The following CADPS2 variants were observed in gnomAD, a reference collection of about 807,000 sequenced individuals.
CADPS2 encodes the protein calcium dependent secretion activator 2.
Under a neutral mutation model 172.5 loss-of-function variants are expected in CADPS2, and 93 were observed. That is an observed-to-expected ratio of 0.54 (90% confidence interval 0.46 to 0.64). The LOEUF is 0.64. CADPS2 is among the 30% of genes least tolerant of loss of function. The pLI, the probability that CADPS2 is intolerant of heterozygous loss-of-function variation, is 0.00. For synonymous variants in CADPS2, 546 were observed against 555.2 expected (o/e 0.98, Z 0.23); for missense variants, 1,420 against 1,565.9 (o/e 0.91, Z 1.57).
chr7:122,747,533 C>T (rs1562926382), intron 1 of CADPS2, among the ~76,000 whole-genome samples: 1 of 152,046 alleles, frequency 6.6e-6, no homozygotes, highest in East Asian at 1.9e-4. Context: ...ATTTATTGAC[C>T]ATTTACTACA....
intron 1 of CADPS2, among the ~76,000 whole-genome samples, chr7:122,773,889 G>T (rs996920548): frequency 2.0e-5 from 3 of 151,874 alleles, no homozygotes; most frequent in Admixed American, 6.6e-5. Flanking sequence ...CTGATGTTTG[G>T]CATTCACATT....
chr7:122,676,788 C>A, intron 2 of CADPS2: 1 of 920,068 alleles, frequency 1.1e-6, no homozygotes, highest in Non-Finnish European at 1.7e-6. Flanking sequence ...ACCAAACCAT[C>A]ATTTCCATGG....
At chr7:122,708,677 G>T (rs1029475341) in intron 2 of CADPS2, among the ~76,000 whole-genome samples, 2 of 150,978 alleles carry the variant, frequency 1.3e-5, no homozygotes, top group East Asian at 3.9e-4. Flanking sequence ...ATTGTAATGG[G>T]CATAAATAAA....
intron 1 of CADPS2, among the ~76,000 whole-genome samples, chr7:122,820,753 G>T (rs1803001403): frequency 7.5e-6 from 1 of 133,872 alleles, no homozygotes; most frequent in Admixed American, 7.7e-5. Context: ...TAGAGACGGG[G>T]TTTCACCTTG....
chr7:122,737,819 AG>A (rs2137838704), intron 1 of CADPS2, among the ~76,000 whole-genome samples: 1 of 152,270 alleles, frequency 6.6e-6, no homozygotes, highest in South Asian at 2.1e-4. Context: ...GAGATGAGGG[AG>A]GGATGCCTTG....
At chr7:122,411,261 C>T (rs2047280005) in intron 19 of CADPS2, among the ~76,000 whole-genome samples, 2 of 150,400 alleles carry the variant, frequency 1.3e-5, no homozygotes, top group African/African-American at 2.4e-5. Context: ...TGCTCTGTCG[C>T]CCAGGCTGGA....
At chr7:122,606,065 T>C (rs572419239) in intron 6 of CADPS2, among the ~76,000 whole-genome samples, 1 of 152,318 alleles carries the variant, frequency 6.6e-6, no homozygotes, top group East Asian at 1.9e-4. Context: ...CTTTGCCAAC[T>C]TTACTGAAAG....
chr7:122,854,430 G>A (rs1299342091), intron 1 of CADPS2, among the ~76,000 whole-genome samples: 1 of 152,158 alleles, frequency 6.6e-6, no homozygotes, highest in Non-Finnish European at 1.5e-5. Context: ...ATTCAATAAT[G>A]AGAAAGTCAA....
chr7:122,715,025 A>G (rs1334507478), intron 2 of CADPS2, among the ~76,000 whole-genome samples: 1 of 152,124 alleles, frequency 6.6e-6, no homozygotes, highest in Non-Finnish European at 1.5e-5. Context: ...AGCCCTATTG[A>G]TACCTTGACT....
At chr7:122,671,555 A>G (rs2081859018) in intron 2 of CADPS2, among the ~76,000 whole-genome samples, 1 of 152,034 alleles carries the variant, frequency 6.6e-6, no homozygotes, top group African/African-American at 2.4e-5. Flanking sequence ...ACAGAGTAAG[A>G]CCATCGCTTA....
chr7:122,646,192 C>T (rs1047488434), intron 3 of CADPS2, among the ~76,000 whole-genome samples: 1 of 152,008 alleles, frequency 6.6e-6, no homozygotes, highest in Non-Finnish European at 1.5e-5. Flanking sequence ...ACCTCAGAGC[C>T]ATGTCTCGTC....
chr7:122,581,292 T>C lies in CADPS2; in HGVS notation c.1224-2A>G. 1 of 1,608,150 alleles carries C rather than the reference T, an allele frequency of 6.2e-7. No homozygotes were observed. The highest frequency in any genetic ancestry group is 8.5e-7 in the Non-Finnish European group (1 of 1,175,190). ...GTGAAATCTCCTTGAGTCCCCCATC[T>C]GTAATGAAGTAAAAAAAATGTTTCT... On this transcript the variant is annotated splice_acceptor_variant, in intron 6 of 29. Transcript: ENST00000449022. LOFTEE classifies it high-confidence loss of function.
chr7:122,601,088 T>C (rs1316389076), intron 6 of CADPS2, among the ~76,000 whole-genome samples: 1 of 152,058 alleles, frequency 6.6e-6, no homozygotes, highest in Admixed American at 6.6e-5. Context: ...GTATCACTTT[T>C]TTTTCCTAGA....
At chr7:122,774,265 G>GATATAC (rs1554417922) in intron 1 of CADPS2, among the ~76,000 whole-genome samples, 9 of 120,244 alleles carry the variant, frequency 7.5e-5, no homozygotes, top group Admixed American at 4.2e-4. Flanking sequence ...GACATAGATA[G>GATATAC]ATATACACAC....
Position 122,319,010 on chromosome 7 carries a change from TAATAC to T in CADPS2, c.*1150_*1154del, listed in dbSNP as rs959622292. 8 of 152,174 alleles carry T rather than the reference TAATAC, an allele frequency of 5.3e-5. No homozygotes were observed. The highest frequency in any genetic ancestry group is 1.0e-4 in the Non-Finnish European group (7 of 68,024). 9.4% of individuals were successfully genotyped at this position (152,174 alleles called of 1,614,324 possible). A position where few individuals can be genotyped will look rare whatever the true frequency, so the allele number is the denominator to read the frequency against. The stretch of plus-strand genomic sequence containing the variant: ...TAATTCATAGAGAACTTACGCAACA[TAATAC>T]AATTATCTCTCAAACCCTAGCAAGA... On this transcript the variant is annotated 3_prime_UTR_variant, in exon 30 of 30. Coordinates refer to ENST00000449022, the MANE Select transcript of CADPS2 (RefSeq NM_017954.11).
chr7:122,614,883 G>A (rs2074720143), intron 6 of CADPS2, among the ~76,000 whole-genome samples: 1 of 152,150 alleles, frequency 6.6e-6, no homozygotes, highest in Non-Finnish European at 1.5e-5. Flanking sequence ...ATAACACATG[G>A]TGATAAAATT....
intron 1 of CADPS2, among the ~76,000 whole-genome samples, chr7:122,768,453 T>A (rs1450558229): frequency 6.6e-6 from 1 of 152,198 alleles, no homozygotes; most frequent in Non-Finnish European, 1.5e-5. Flanking sequence ...GGCAAATATA[T>A]GACTGCTTAA....
intron 5 of CADPS2, among the ~76,000 whole-genome samples, chr7:122,618,104 T>C (rs527987634): frequency 6.6e-6 from 1 of 152,292 alleles, no homozygotes; most frequent in South Asian, 2.1e-4. Flanking sequence ...TTTCCACTTC[T>C]TAAGTGAACG....
At chr7:122,649,385 C>T (rs1431022855) in intron 3 of CADPS2, among the ~76,000 whole-genome samples, 1 of 152,180 alleles carries the variant, frequency 6.6e-6, no homozygotes, top group Non-Finnish European at 1.5e-5. Context: ...TGGCACCCAA[C>T]TAGACTGTTC....
Sources: allele counts gnomAD v4.1 joint callset (sites outside exome capture counted in the v4.1 genomes callset), GRCh38; gene constraint gnomAD v4.1.1; transcripts MANE v1.5; gene names NCBI Gene and HGNC (gene_info 2026-07-23, HGNC 2026-07-21).